RBM38: variants seen among roughly 807,000 people sequenced by gnomAD.
The protein encoded by RBM38 is RNA binding motif protein 38.
Under a neutral mutation model 23.5 loss-of-function variants are expected in RBM38, and 11 were observed. The observed-to-expected ratio is 0.47, with a 90% confidence interval of 0.29 to 0.77. The LOEUF (loss-of-function observed/expected upper bound fraction) is 0.77. Ranked by LOEUF, RBM38 falls within the 30% of genes least tolerant of loss-of-function variation. The probability of loss-of-function intolerance (pLI) is 0.08; values close to 1 mark genes in which losing one functional copy is unlikely to be tolerated. For synonymous variants in RBM38, 165 were observed against 166.1 expected (o/e 0.99, Z 0.05); for missense variants, 330 against 351.9 (o/e 0.94, Z 0.50).
intron 3 of RBM38, among the ~76,000 whole-genome samples, chr20:57,399,127 G>T (rs1044106268): frequency 1.3e-5 from 2 of 152,198 alleles, no homozygotes; most frequent in Non-Finnish European, 2.9e-5. Flanking sequence ...AAGGCGACAG[G>T]AGCTGGGGAG....
chr20:57,408,917 TG>T lies in RBM38; in HGVS notation c.*1079del, dbSNP rs148626444. On this transcript the variant is annotated 3_prime_UTR_variant, in exon 4 of 4. Coordinates refer to ENST00000356208, the MANE Select transcript of RBM38 (RefSeq NM_017495.6). ...GGTCTAGACCATGGTGGTGCCAGCC[TG>T]GGGGGGGCAGTGGCCCTCAGCTCTG... The T allele has an allele frequency of 1.3e-5, 2 of 152,462 alleles. No homozygotes were observed. Among genetic ancestry groups the T allele is most frequent in the Non-Finnish European group, 2.9e-5 (2 of 68,090 alleles). 9.4% of individuals were successfully genotyped at this position (152,462 alleles called of 1,614,324 possible). A position where few individuals can be genotyped will look rare whatever the true frequency, so the allele number is the denominator to read the frequency against.
intron 1 of RBM38, 118 bp downstream of exon 1, chr20:57,391,936 C>T (rs1181631486): frequency 7.3e-6 from 5 of 681,646 alleles, no homozygotes; most frequent in African/African-American, 5.8e-5. Flanking sequence ...CCCCAGGCGC[C>T]TCCAGCCGGC....
intron 2 of RBM38, 136 bp downstream of exon 2, chr20:57,392,913 G>A (rs2067235867): frequency 8.4e-7 from 1 of 1,196,222 alleles, no homozygotes; most frequent in South Asian, 1.5e-5. Context: ...AGCCGGCACA[G>A]GGCAGCCATC....
intron 3 of RBM38, among the ~76,000 whole-genome samples, chr20:57,406,309 G>A (rs1212300164): frequency 6.6e-6 from 1 of 152,206 alleles, no homozygotes; most frequent in Non-Finnish European, 1.5e-5. Context: ...TGAGGGCTGG[G>A]CATGCTGTTG....
Position 57,407,607 on chromosome 20 carries a change from C to A in RBM38, c.481C>A (p.Pro161Thr). 6.2e-7 allele frequency: 1 copy of A among 1,613,768 alleles called. No homozygotes were observed. The highest frequency in any genetic ancestry group is 1.1e-5 in the South Asian group (1 of 91,062). ...GCCCAGCGTGGTGATCCCAGCCGCC[C>A]CTGTCCCGTCGCTGTCCTCGCCCTA... The part of the protein sequence containing the change: ...VQPSVVIPAA[P>T]VPSLSSPYIE... The change falls in exon 4 of 4, where the codon CCT becomes ACT. Residue 161 changes from proline (P) to threonine (T), a missense_variant. Physicochemically the swap from Pro to Thr is conservative, Grantham distance 38 (BLOSUM62 -1). Transcript: ENST00000356208. This position sits in a 1 kb window ranked among gnomAD's most constrained non-coding sequence, Gnocchi z 4.0.
chr20:57,394,437 G>A lies in RBM38; in HGVS notation c.416+1104G>A, dbSNP rs1382875928. On this transcript the variant is annotated intron_variant, in intron 3 of 3. Transcript: ENST00000356208. ...TGGGGTGACTCGGGGGCTCCCTGCC[G>A]GCTTCCGTGTGTATTGGTGGATGTG... Among the ~76,000 whole-genome samples, 7 of 152,294 alleles carry A rather than the reference G, an allele frequency of 4.6e-5. No individual in the cohort carries two copies. In the East Asian group the frequency reaches 1.2e-3, roughly 25 times the overall value.
Position 57,391,726 on chromosome 20 carries a change from T to G in RBM38, c.145T>G (p.Ser49Ala). The stretch of plus-strand genomic sequence containing the variant: ...CCTGCCGTACCACACTACCGACGCC[T>G]CGCTCAGGAAGTACTTCGAGGGCTT... ...GGLPYHTTDA[S>A]LRKYFEGFGD... The change falls in exon 1 of 4, where the codon TCG (serine) becomes GCG (alanine). Residue 49 changes from serine (S) to alanine (A), a missense_variant. Physicochemically the swap from Ser to Ala is moderately conservative, Grantham distance 99 (BLOSUM62 1). Coordinates refer to ENST00000356208, the MANE Select transcript of RBM38 (RefSeq NM_017495.6). 1 of 1,550,152 alleles carries G rather than the reference T, an allele frequency of 6.5e-7. No individual in the cohort carries two copies. The highest frequency in any genetic ancestry group is 1.2e-5 in the South Asian group (1 of 83,970).
intron 3 of RBM38, among the ~76,000 whole-genome samples, chr20:57,395,749 C>T (rs2067267893): frequency 6.6e-6 from 1 of 152,080 alleles, no homozygotes; most frequent in African/African-American, 2.4e-5. Context: ...CAGCCCCCGC[C>T]CGCTGACGGA....
At position 57,392,739 on chromosome 20, in the gene RBM38, T is replaced by C; in HGVS notation, c.323T>C (p.Leu108Pro). Residue 108 changes from leucine (L) to proline (P), a missense_variant, in exon 2 of 4, where the codon CTG becomes CCG. Leu to Pro is a moderately conservative substitution (Grantham distance 98). Transcript: ENST00000356208. Reference protein sequence around the residue: ...IIDGRKANVNLAYLGAKPRSL... With the variant: ...IIDGRKANVNPAYLGAKPRSL... ...GACGGCCGCAAGGCCAACGTGAACC[T>C]GGCATATCTGGGCGCCAAGCCGCGG... The C allele has an allele frequency of 6.2e-7, 1 of 1,613,050 alleles. No homozygotes were observed. The highest frequency in any genetic ancestry group is 8.5e-7 in the Non-Finnish European group (1 of 1,179,844).
At chr20:57,400,916 C>T (rs975307561) in intron 3 of RBM38, among the ~76,000 whole-genome samples, 1 of 152,114 alleles carries the variant, frequency 6.6e-6, no homozygotes, top group Non-Finnish European at 1.5e-5. Context: ...CCCTGGGGAG[C>T]GCGTGGGACT....
Position 57,391,798 on chromosome 20 carries a change from A to C in RBM38, c.217A>C (p.Lys73Gln). 3 of 1,563,670 alleles carry C rather than the reference A, an allele frequency of 1.9e-6. No individual in the cohort carries two copies. The highest frequency in any genetic ancestry group is 2.6e-6 in the Non-Finnish European group (3 of 1,154,950). ...GGTCATCACCGACCGCCAGACGGGC[A>C]AGTCCCGCGGCTACGGCTTCGTAAG... Reference protein sequence around the residue: ...AVVITDRQTGKSRGYGFVTMA... With the variant: ...AVVITDRQTGQSRGYGFVTMA... The change falls in exon 1 of 4, where the codon AAG (lysine) becomes CAG (glutamine). Residue 73 changes from lysine to glutamine, a missense_variant. Around this residue, in one of 3 missense-constraint regions of RBM38, gnomAD observed 95 missense variants for 111.9 expected, o/e 0.85. Transcript: ENST00000356208.
intron 3 of RBM38, chr20:57,400,071 T>C: frequency 2.2e-6 from 1 of 446,632 alleles, no homozygotes; most frequent in African/African-American, 2.0e-5. Context: ...TCTCAGACTC[T>C]GCCGGAGGCC....
At chr20:57,398,313 C>G (rs963150009) in intron 3 of RBM38, among the ~76,000 whole-genome samples, 64 of 152,176 alleles carry the variant, frequency 4.2e-4, no homozygotes, top group African/African-American at 1.5e-3. Flanking sequence ...GGGGAAGGCT[C>G]CACTGAGGAT....
intron 3 of RBM38, among the ~76,000 whole-genome samples, chr20:57,402,563 G>T (rs2067339325): frequency 6.6e-6 from 1 of 152,232 alleles, no homozygotes; most frequent in Non-Finnish European, 1.5e-5. Context: ...CACTTGGTGG[G>T]TGGGGCGGCG....
chr20:57,395,613 C>G (rs958124541), intron 3 of RBM38, among the ~76,000 whole-genome samples: 6 of 152,072 alleles, frequency 3.9e-5, no homozygotes, highest in Non-Finnish European at 8.8e-5. Flanking sequence ...GATCTGAACT[C>G]AAGCCTCTGA....
At chr20:57,402,994 C>T (rs1384093022) in intron 3 of RBM38, among the ~76,000 whole-genome samples, 1 of 152,240 alleles carries the variant, frequency 6.6e-6, no homozygotes, top group Non-Finnish European at 1.5e-5. Context: ...ACCTTTAGGA[C>T]GGCATCGTTC....
chr20:57,402,904 G>T (rs2067343536), intron 3 of RBM38, among the ~76,000 whole-genome samples: 1 of 152,268 alleles, frequency 6.6e-6, no homozygotes. Context: ...CAGCAGTGAG[G>T]ATCCCTTGTC....
chr20:57,393,172 C>T (rs2067238669), intron 2 of RBM38, 107 bp from the exon 3 acceptor site: 6 of 1,105,294 alleles, frequency 5.4e-6, no homozygotes, highest in East Asian at 2.4e-5. Context: ...CGGATGATCC[C>T]TTTTGACTAG....
intron 3 of RBM38, among the ~76,000 whole-genome samples, chr20:57,405,354 C>G (rs2067371672): frequency 6.6e-6 from 1 of 152,232 alleles, no homozygotes; most frequent in Admixed American, 6.5e-5. Context: ...CAAACCCAGG[C>G]CTGGCTCCGC....
Sources: allele counts gnomAD v4.1 joint callset (sites outside exome capture counted in the v4.1 genomes callset), GRCh38; gene constraint gnomAD v4.1.1; regional missense constraint gnomAD v4.1.1; non-coding constraint Gnocchi (gnomAD v3.1); transcripts MANE v1.5; gene names NCBI Gene and HGNC (gene_info 2026-07-23, HGNC 2026-07-21).